Variants in ACOT7 observed in about 807,000 individuals in gnomAD.
The protein encoded by ACOT7 is acyl-CoA thioesterase 7.
A neutral mutation model predicts 40.2 loss-of-function variants in ACOT7; 12 were observed. The ratio of observed to expected loss-of-function variants is 0.30; its 90% CI spans 0.19 to 0.48. The LOEUF is 0.48. Among genes scored for constraint, ACOT7 ranks in the 20% least tolerant of loss-of-function variants. ACOT7 has a pLI of 0.99. For missense variants in ACOT7, 395 were observed against 530.8 expected, an observed-to-expected ratio of 0.74 and a Z score of 2.51; for synonymous variants, 228 against 219.5, an observed-to-expected ratio of 1.04 and a Z score of -0.34.
chr1:6,361,084 G>A (rs1641882831), intron 1 of ACOT7, among the ~76,000 whole-genome samples: 1 of 152,182 alleles, frequency 6.6e-6, no homozygotes. Context: ...AAACAACCCG[G>A]TGTCCACCAC....
chr1:6,327,149 C>G (rs992834577), intron 5 of ACOT7, 150 bp downstream of exon 5: 6 of 794,090 alleles, frequency 7.6e-6, no homozygotes, highest in Non-Finnish European at 1.2e-5. Flanking sequence ...GACAGCCCTC[C>G]CTGGGGACCC....
chr1:6,290,086 A>T (rs1257711979), intron 7 of ACOT7, among the ~76,000 whole-genome samples: 1 of 151,754 alleles, frequency 6.6e-6, no homozygotes, highest in East Asian at 1.9e-4. Context: ...TGTCAGCACG[A>T]GGGGGGGAAT....
At chr1:6,383,612 T>C (rs1441544401) in intron 1 of ACOT7, among the ~76,000 whole-genome samples, 3 of 151,084 alleles carry the variant, frequency 2.0e-5, no homozygotes, top group East Asian at 3.9e-4. Context: ...ATAAGCTCAC[T>C]ACAGCCTCAA....
At chr1:6,351,424 A>G (rs1405958470) in intron 1 of ACOT7, among the ~76,000 whole-genome samples, 2 of 152,272 alleles carry the variant, frequency 1.3e-5, no homozygotes, top group South Asian at 2.1e-4. Context: ...AACTTACTCT[A>G]TGAAAGGTTT....
chr1:6,393,486 A>C lies in ACOT7; in HGVS notation c.-87T>G, dbSNP rs1028303513. On this transcript the variant is annotated 5_prime_UTR_variant, in exon 1 of 9. Coordinates refer to ENST00000361521, the MANE Select transcript of ACOT7 (RefSeq NM_007274.4). ...AATCGAACGCGGCCTCCCCGCGCCG[A>C]CCCCGCCCCCGCGCCGGCCCCACCC... The C allele has an allele frequency of 2.5e-5, 29 of 1,138,866 alleles. No homozygotes were observed. The highest frequency in any genetic ancestry group is 3.4e-4 in the Middle Eastern group (1 of 2,948). The allele number at this position is 1,138,866 out of a possible 1,614,324, so 70.5% of individuals were successfully genotyped here.
intron 2 of ACOT7, among the ~76,000 whole-genome samples, chr1:6,344,002 G>GT (rs1641348832): frequency 1.3e-5 from 2 of 152,324 alleles, no homozygotes; most frequent in South Asian, 2.1e-4. Flanking sequence ...GCCCAACGAT[G>GT]TTAAGGCAGG....
In ACOT7 at chr1:6,306,692, C is replaced by G. The variant is rs144988747; in HGVS notation, c.713-11712G>C. ...AGCATTTGTTTGTTCACCTCTTGATCCCCCTAGACCAGAAGTTCCTCAAGA... is the reference window on the plus strand; with the variant it reads ...AGCATTTGTTTGTTCACCTCTTGATGCCCCTAGACCAGAAGTTCCTCAAGA... On this transcript the variant is annotated intron_variant, in intron 6 of 8. Coordinates refer to ENST00000361521, the MANE Select transcript of ACOT7 (RefSeq NM_007274.4). This position sits in a 1 kb window ranked among gnomAD's most constrained non-coding sequence, Gnocchi z 4.3. 4.5e-3 allele frequency: 4,460 copies of G among 985,428 alleles called. 12 individuals carry two copies. Among genetic ancestry groups the G allele is most frequent in the Non-Finnish European group, 5.1e-3 (4,226 of 829,926 alleles). 61.0% of individuals were successfully genotyped at this position (985,428 alleles called of 1,614,324 possible). A position where few individuals can be genotyped will look rare whatever the true frequency, so the allele number is the denominator to read the frequency against.
At chr1:6,287,284 G>A (rs1333852769) in intron 7 of ACOT7, among the ~76,000 whole-genome samples, 1 of 152,206 alleles carries the variant, frequency 6.6e-6, no homozygotes, top group African/African-American at 2.4e-5. Flanking sequence ...CAGGTCGCTG[G>A]GGACACCAAA....
chr1:6,336,041 G>C (rs976762322), intron 3 of ACOT7, among the ~76,000 whole-genome samples: 1 of 152,102 alleles, frequency 6.6e-6, no homozygotes, highest in Non-Finnish European at 1.5e-5. Context: ...AAAAGACAAC[G>C]GCAGTATTAG....
intron 1 of ACOT7, among the ~76,000 whole-genome samples, chr1:6,365,536 A>G (rs1041874230): frequency 7.2e-5 from 11 of 152,048 alleles, no homozygotes; most frequent in East Asian, 5.8e-4. Flanking sequence ...TTGGGAGGCC[A>G]AGGTGGGTGG....
chr1:6,293,388 C>T (rs1639726805), intron 7 of ACOT7, among the ~76,000 whole-genome samples: 1 of 152,204 alleles, frequency 6.6e-6, no homozygotes, highest in Non-Finnish European at 1.5e-5. Flanking sequence ...TGCAGAGTCA[C>T]GCACCACACA....
intron 4 of ACOT7, 62 bp downstream of exon 4, chr1:6,333,415 C>T: frequency 6.3e-7 from 1 of 1,579,512 alleles, no homozygotes; most frequent in Non-Finnish European, 8.7e-7. Context: ...CTCCCAACAT[C>T]AGGTGAGGTG....
intron 7 of ACOT7, among the ~76,000 whole-genome samples, chr1:6,286,569 G>A (rs1452284147): frequency 6.6e-6 from 1 of 152,174 alleles, no homozygotes; most frequent in East Asian, 1.9e-4. Context: ...CTTGGCCACT[G>A]AGCAGGGACA....
At chr1:6,302,055 C>G (rs926499613) in intron 6 of ACOT7, among the ~76,000 whole-genome samples, 1 of 152,192 alleles carries the variant, frequency 6.6e-6, no homozygotes, top group African/African-American at 2.4e-5. Context: ...CGTAATCCCA[C>G]CATGTGTGTC....
intron 1 of ACOT7, among the ~76,000 whole-genome samples, chr1:6,391,793 G>C (rs150310559): frequency 1.3e-5 from 2 of 152,194 alleles, no homozygotes; most frequent in East Asian, 3.9e-4. Flanking sequence ...TGGCACTACC[G>C]ACCATCAACC....
At chr1:6,308,609 G>A (rs549296300) in intron 6 of ACOT7, among the ~76,000 whole-genome samples, 36 of 148,992 alleles carry the variant, frequency 2.4e-4, no homozygotes, top group East Asian at 2.0e-3. Context: ...AACTACAACC[G>A]GGCAGAGGGA....
At chr1:6,349,711 G>A (rs1240917981) in intron 2 of ACOT7, 38 bp downstream of exon 2, 1 of 1,583,766 alleles carries the variant, frequency 6.3e-7, no homozygotes, top group Admixed American at 1.8e-5. Context: ...CACTGGTGCG[G>A]CCTCCAGGGC....
chr1:6,359,549 G>A lies in ACOT7; in HGVS notation c.144-9683C>T, dbSNP rs990726692. ...TCCACTACCCTTCCTCCACTCCCGC[G>A]GGCTCTTAGGCTGCCGGCTGCCACC... On this transcript the variant is annotated intron_variant, in intron 1 of 8. Coordinates refer to ENST00000361521, the MANE Select transcript of ACOT7 (RefSeq NM_007274.4). This position sits in a 1 kb window ranked among gnomAD's most constrained non-coding sequence, Gnocchi z 4.1. Among the ~76,000 whole-genome samples, 3 of 150,972 alleles carry A rather than the reference G, an allele frequency of 2.0e-5. No homozygotes were observed. The highest frequency in any genetic ancestry group is 6.6e-5 in the Admixed American group (1 of 15,146).
At chr1:6,344,844 C>T (rs907208436) in intron 2 of ACOT7, among the ~76,000 whole-genome samples, 2 of 151,356 alleles carry the variant, frequency 1.3e-5, no homozygotes, top group South Asian at 2.1e-4. Context: ...AGTCTTGCCA[C>T]GGTCCCATTT....
Sources: gnomAD v4.1 joint callset for allele counts (sites outside exome capture counted in the v4.1 genomes callset) on GRCh38, gnomAD v4.1.1 for gene constraint, Gnocchi (gnomAD v3.1) non-coding constraint, MANE v1.5 for transcripts, NCBI Gene and HGNC (gene_info 2026-07-23, HGNC 2026-07-21) for gene names.